FGF14: variants seen among roughly 807,000 people sequenced by gnomAD.
The protein encoded by FGF14 is fibroblast growth factor homologous factor 4.
In FGF14, 5 loss-of-function variants were observed where a neutral mutation model predicts 25.5. The observed-to-expected ratio is 0.20, with a 90% CI of 0.10 to 0.41. The LOEUF (loss-of-function observed/expected upper bound fraction) is 0.41, where lower values mean the gene tolerates loss of function less well. Ranked by LOEUF, FGF14 falls within the 10% of genes least tolerant of loss-of-function variation. The pLI, the probability that FGF14 is intolerant of heterozygous loss-of-function variation, is 1.00. For missense variants in FGF14, 222 were observed against 320.1 expected (o/e 0.69, Z 2.34); for synonymous variants, 138 against 118.3 (o/e 1.17, Z -1.08).
intron 1 of FGF14, among the ~76,000 whole-genome samples, chr13:102,213,739 T>A (rs1188138267): frequency 2.0e-5 from 3 of 152,202 alleles, no homozygotes; most frequent in Admixed American, 2.0e-4. Context: ...CAACAGTGTT[T>A]GCTTCTGCCT....
intron 1 of FGF14, among the ~76,000 whole-genome samples, chr13:102,365,813 G>A (rs1421389140): frequency 1.3e-5 from 2 of 152,000 alleles, no homozygotes; most frequent in East Asian, 1.9e-4. Flanking sequence ...ATGTATATGT[G>A]TCTGTATTTT....
intron 1 of FGF14, among the ~76,000 whole-genome samples, chr13:101,978,284 G>T (rs539496803): frequency 5.8e-4 from 89 of 152,250 alleles, no homozygotes; most frequent in African/African-American, 2.1e-3. Flanking sequence ...TATAATATGT[G>T]CAGAATGGTG....
At chr13:102,059,662 C>T (rs372456563) in intron 1 of FGF14, among the ~76,000 whole-genome samples, 3 of 152,136 alleles carry the variant, frequency 2.0e-5, no homozygotes, top group South Asian at 4.1e-4. Context: ...ACCGGCATGG[C>T]CAACGTGGTG....
intron 3 of FGF14, among the ~76,000 whole-genome samples, chr13:101,793,700 T>C (rs563785594): frequency 3.3e-5 from 5 of 152,176 alleles, no homozygotes; most frequent in African/African-American, 1.2e-4. Context: ...CCACCAGCAG[T>C]GCACAGCCTC....
chr13:102,221,187 T>C (rs1394221648), intron 1 of FGF14, among the ~76,000 whole-genome samples: 1 of 152,174 alleles, frequency 6.6e-6, no homozygotes, highest in Non-Finnish European at 1.5e-5. Context: ...AACATATCTA[T>C]GTGATTTTAG....
At chr13:102,237,724 T>C (rs191575597) in intron 1 of FGF14, among the ~76,000 whole-genome samples, 17 of 152,314 alleles carry the variant, frequency 1.1e-4, no homozygotes, top group African/African-American at 3.4e-4. Context: ...AGGAAAAATA[T>C]GTAAGTGTAG....
chr13:102,087,337 G>A (rs1251237950), intron 1 of FGF14, among the ~76,000 whole-genome samples: 1 of 150,848 alleles, frequency 6.6e-6, no homozygotes, highest in African/African-American at 2.4e-5. Context: ...GGGTTTCCTA[G>A]CAATGGGACC....
chr13:101,755,843 A>G (rs2037612140), intron 3 of FGF14, among the ~76,000 whole-genome samples: 1 of 152,212 alleles, frequency 6.6e-6, no homozygotes, highest in Admixed American at 6.5e-5. Context: ...TGATAAGAGT[A>G]TATGCTTATT....
intron 1 of FGF14, among the ~76,000 whole-genome samples, chr13:102,376,965 T>C (rs2058054421): frequency 6.6e-6 from 1 of 152,128 alleles, no homozygotes; most frequent in African/African-American, 2.4e-5. Flanking sequence ...CAGTGAGAAA[T>C]GCGCTTATTG....
chr13:101,919,973 T>C (rs2033879715), upstream of FGF14, among the ~76,000 whole-genome samples: 1 of 152,202 alleles, frequency 6.6e-6, no homozygotes. Context: ...TCAACGTAGC[T>C]TCCTATTTTA....
intron 1 of FGF14, among the ~76,000 whole-genome samples, chr13:102,166,924 C>G (rs1439292473): frequency 6.6e-6 from 1 of 152,012 alleles, no homozygotes; most frequent in Non-Finnish European, 1.5e-5. Context: ...ACATAACTAC[C>G]ATGAATATCA....
chr13:102,294,397 T>G (rs2054587498), intron 1 of FGF14, among the ~76,000 whole-genome samples: 1 of 151,392 alleles, frequency 6.6e-6, no homozygotes, highest in African/African-American at 2.4e-5. Context: ...TGCTTTTTTC[T>G]AGAAGACTGT....
At chr13:101,878,331 G>A (rs1393337117) in intron 1 of FGF14, among the ~76,000 whole-genome samples, 1 of 152,036 alleles carries the variant, frequency 6.6e-6, no homozygotes, top group Non-Finnish European at 1.5e-5. Context: ...CCCCACTCTG[G>A]TTCTATCAAC....
intron 1 of FGF14, among the ~76,000 whole-genome samples, chr13:102,010,561 T>C (rs2040026504): frequency 6.6e-6 from 1 of 152,206 alleles, no homozygotes; most frequent in African/African-American, 2.4e-5. Flanking sequence ...ATGTTGTTGA[T>C]GCTGAACACA....
chr13:101,985,716 T>C (rs1047655482), intron 1 of FGF14, among the ~76,000 whole-genome samples: 4 of 152,146 alleles, frequency 2.6e-5, no homozygotes, highest in African/African-American at 9.7e-5. Context: ...TAAAATGCTA[T>C]GCATAAATTT....
chr13:101,876,404 A>C (rs1048496843), intron 1 of FGF14, among the ~76,000 whole-genome samples: 1 of 152,174 alleles, frequency 6.6e-6, no homozygotes, highest in Non-Finnish European at 1.5e-5. Flanking sequence ...CCTTATAATC[A>C]ATAGAAAAAT....
intron 1 of FGF14, among the ~76,000 whole-genome samples, chr13:101,931,607 C>A (rs928313832): frequency 5.9e-5 from 9 of 152,180 alleles, no homozygotes; most frequent in African/African-American, 2.2e-4. Flanking sequence ...CTACCCTCAG[C>A]GGCTAGCACT....
rs2034557732 is a variant in FGF14, at chr13:101,713,216, T to C, written c.*9615A>G. On this transcript the variant is annotated 3_prime_UTR_variant, in exon 5 of 5. Transcript: ENST00000376143. ...TGAAATATCACATAGTTGAGACACA[T>C]GAACCTGAATCCTTTCATGATATCT... 6.6e-6 allele frequency: 1 copy of C among 152,196 alleles called. No homozygotes were observed. Among genetic ancestry groups the C allele is most frequent in the South Asian group, 2.1e-4 (1 of 4,830 alleles). The allele number at this position is 152,196 out of a possible 1,614,324, so 9.4% of individuals were successfully genotyped here.
chr13:102,161,708 A>G (rs965271569), intron 1 of FGF14, among the ~76,000 whole-genome samples: 33 of 149,976 alleles, frequency 2.2e-4, no homozygotes, highest in Middle Eastern at 6.8e-3. Context: ...AAGAAGAAGA[A>G]GAAGAAGAAG....
Sources: gnomAD v4.1 joint callset for allele counts (sites outside exome capture counted in the v4.1 genomes callset) on GRCh38, gnomAD v4.1.1 for gene constraint, MANE v1.5 for transcripts, NCBI Gene and HGNC (gene_info 2026-07-23, HGNC 2026-07-21) for gene names.